The following TMEM229B variants were observed in gnomAD, a reference collection of about 807,000 sequenced individuals.
TMEM229B encodes the protein chromosome 14 open reading frame 83.
A neutral mutation model predicts 13.7 loss-of-function variants in TMEM229B; 6 were observed. That is an observed-to-expected ratio of 0.44 (90% CI 0.24 to 0.86). The LOEUF (loss-of-function observed/expected upper bound fraction) is 0.86. Ranked by LOEUF, TMEM229B falls within the 40% of genes least tolerant of loss-of-function variation. The pLI, the probability that TMEM229B is intolerant of heterozygous loss-of-function variation, is 0.23. For missense variants in TMEM229B, 170 were observed against 236.0 expected (o/e 0.72, Z 1.83); for synonymous variants, 107 against 102.1 (o/e 1.05, Z -0.29).
At chr14:67,527,875 C>T (rs1337956941) in intron 1 of TMEM229B, among the ~76,000 whole-genome samples, 2 of 152,198 alleles carry the variant, frequency 1.3e-5, no homozygotes, top group African/African-American at 2.4e-5. Context: ...CCACCCCAGA[C>T]CTCTGGCCTC....
chr14:67,473,542 C>T lies in TMEM229B; in HGVS notation c.382G>A (p.Ala128Thr). The T allele has an allele frequency of 1.9e-6, 3 of 1,613,972 alleles. No individual in the cohort carries two copies. The highest frequency in any genetic ancestry group is 2.5e-6 in the Non-Finnish European group (3 of 1,179,926). ...LEYAVPWFCG[A>T]LIMEQFIIRN... ...ATGATGAACTGCTCCATGATGAGGG[C>T]CCCGCAGAACCAGGGCACGGCGTAC... Residue 128 changes from alanine to threonine, a missense_variant, in exon 3 of 3, where the codon GCC becomes ACC. Transcript: ENST00000554480. The surrounding 1 kb of genome is among the most constrained non-coding windows in gnomAD (Gnocchi z 6.5).
intron 1 of TMEM229B, among the ~76,000 whole-genome samples, chr14:67,504,641 C>T (rs781106606): frequency 2.6e-5 from 4 of 152,174 alleles, no homozygotes; most frequent in Non-Finnish European, 5.9e-5. Flanking sequence ...AATCCCAGCA[C>T]TTTGGGAGGC....
chr14:67,483,157 C>T (rs1464430115), intron 2 of TMEM229B, among the ~76,000 whole-genome samples: 1 of 152,036 alleles, frequency 6.6e-6, no homozygotes. Context: ...ATTATAGGTT[C>T]CTGCCACCAC....
intron 2 of TMEM229B, among the ~76,000 whole-genome samples, chr14:67,481,891 C>T (rs929596280): frequency 3.3e-4 from 50 of 152,168 alleles, no homozygotes; most frequent in Non-Finnish European, 1.3e-4. Context: ...ACAAAACTGT[C>T]CTGAGACCTG....
intron 2 of TMEM229B, among the ~76,000 whole-genome samples, chr14:67,482,836 C>G (rs2031663499): frequency 6.6e-6 from 1 of 152,106 alleles, no homozygotes; most frequent in Non-Finnish European, 1.5e-5. Flanking sequence ...CAAGGAAAGC[C>G]CCTGGGATTA....
intron 1 of TMEM229B, among the ~76,000 whole-genome samples, chr14:67,512,053 A>G (rs1188975043): frequency 6.6e-6 from 1 of 152,234 alleles, no homozygotes; most frequent in Non-Finnish European, 1.5e-5. Context: ...AAATTCTGGT[A>G]CGTAAATTCT....
upstream of TMEM229B, among the ~76,000 whole-genome samples, chr14:67,519,871 C>T (rs182617014): frequency 2.7e-4 from 41 of 152,194 alleles, no homozygotes; most frequent in East Asian, 7.2e-3. Context: ...TACAGGCGTA[C>T]GCCACCATGC....
At chr14:67,481,927 A>G (rs2031611958) in intron 2 of TMEM229B, among the ~76,000 whole-genome samples, 1 of 152,240 alleles carries the variant, frequency 6.6e-6, no homozygotes, top group Non-Finnish European at 1.5e-5. Flanking sequence ...ACAGCCCAGG[A>G]ACAGAAATTC....
upstream of TMEM229B, among the ~76,000 whole-genome samples, chr14:67,517,727 A>G (rs889752225): frequency 6.6e-6 from 1 of 152,138 alleles, no homozygotes; most frequent in Admixed American, 6.5e-5. Context: ...GTGCCTTACA[A>G]TTGACATATT....
At chr14:67,501,194 C>A (rs1175579036) in intron 1 of TMEM229B, among the ~76,000 whole-genome samples, 1 of 151,936 alleles carries the variant, frequency 6.6e-6, no homozygotes, top group East Asian at 1.9e-4. Context: ...GTACTCCCTG[C>A]CCTGAGGACA....
intron 1 of TMEM229B, among the ~76,000 whole-genome samples, chr14:67,507,341 C>A (rs2032863374): frequency 6.6e-6 from 1 of 151,998 alleles, no homozygotes; most frequent in South Asian, 2.1e-4. Flanking sequence ...AGAACAACAT[C>A]CTGTCTCTAA....
intron 1 of TMEM229B, among the ~76,000 whole-genome samples, chr14:67,525,457 TC>T (rs1359219137): frequency 2.0e-5 from 3 of 152,252 alleles, no homozygotes; most frequent in African/African-American, 7.2e-5. Flanking sequence ...TTCAATTGGA[TC>T]CTTTTCCCCT....
chr14:67,509,055 G>A (rs560868169), intron 1 of TMEM229B, among the ~76,000 whole-genome samples: 2 of 152,198 alleles, frequency 1.3e-5, no homozygotes, highest in African/African-American at 2.4e-5. Flanking sequence ...GTGGCAGTAG[G>A]ACAACAGAAA....
At chr14:67,512,644 A>G (rs1158312810) in intron 1 of TMEM229B, among the ~76,000 whole-genome samples, 1 of 152,154 alleles carries the variant, frequency 6.6e-6, no homozygotes, top group Admixed American at 6.5e-5. Flanking sequence ...ACAGTTGCCG[A>G]TAAGACCAAG....
At chr14:67,502,456 C>T (rs796348256) in intron 1 of TMEM229B, among the ~76,000 whole-genome samples, 20 of 137,672 alleles carry the variant, frequency 1.5e-4, no homozygotes, top group East Asian at 6.5e-4. Context: ...AAGGTGATTT[C>T]TTTTTTTTTT....
intron 1 of TMEM229B, among the ~76,000 whole-genome samples, chr14:67,499,587 A>G (rs1038645066): frequency 6.6e-6 from 1 of 152,212 alleles, no homozygotes; most frequent in Non-Finnish European, 1.5e-5. Flanking sequence ...TATCTTCCTT[A>G]ATGGACAAGA....
At chr14:67,477,732 G>A (rs1215774588) in intron 2 of TMEM229B, among the ~76,000 whole-genome samples, 1 of 152,120 alleles carries the variant, frequency 6.6e-6, no homozygotes, top group East Asian at 1.9e-4. Flanking sequence ...TTGAATTCAA[G>A]ACTAGCCTAG....
At chr14:67,519,072 G>C (rs1794754712), upstream of TMEM229B, among the ~76,000 whole-genome samples, 1 of 152,168 alleles carries the variant, frequency 6.6e-6, no homozygotes, top group African/African-American at 2.4e-5. Context: ...TGGGACATAT[G>C]GATATGGTCT....
upstream of TMEM229B, among the ~76,000 whole-genome samples, chr14:67,490,236 C>T (rs887006904): frequency 2.6e-5 from 4 of 152,210 alleles, no homozygotes; most frequent in Admixed American, 6.5e-5. Flanking sequence ...AAAGGCAAGG[C>T]TGTCTCTGCA....
Sources: allele counts gnomAD v4.1 joint callset (sites outside exome capture counted in the v4.1 genomes callset), GRCh38; gene constraint gnomAD v4.1.1; non-coding constraint Gnocchi (gnomAD v3.1); transcripts MANE v1.5; gene names NCBI Gene and HGNC (gene_info 2026-07-23, HGNC 2026-07-21).